Variants in FLT3 observed in about 807,000 individuals in gnomAD.
The protein encoded by FLT3 is receptor-type tyrosine-protein kinase FLT3.
FLT3 carries 46 observed loss-of-function variants against 126.6 expected under a neutral mutation model. That is an observed-to-expected ratio of 0.36 (90% CI 0.29 to 0.46). The LOEUF (loss-of-function observed/expected upper bound fraction) is 0.46, where lower values mean the gene tolerates loss of function less well. Ranked by LOEUF, FLT3 falls within the 20% of genes least tolerant of loss-of-function variation. FLT3 has a pLI of 1.00. For missense variants in FLT3, 1,069 were observed against 1,190.3 expected (o/e 0.90, Z 1.50); for synonymous variants, 404 against 434.4 (o/e 0.93, Z 0.87).
chr13:28,075,432 A>T (rs562389612), intron 1 of FLT3, among the ~76,000 whole-genome samples: 1 of 152,216 alleles, frequency 6.6e-6, no homozygotes, highest in Non-Finnish European at 1.5e-5. Context: ...TAAAAAATAG[A>T]TGCATCACAA....
At chr13:28,062,813 G>A (rs1471092679) in intron 2 of FLT3, among the ~76,000 whole-genome samples, 1 of 148,300 alleles carries the variant, frequency 6.7e-6, no homozygotes, top group Admixed American at 6.8e-5. Context: ...TGAACAGAAA[G>A]ACAGCCATCT....
intron 23 of FLT3, among the ~76,000 whole-genome samples, chr13:28,009,099 C>T (rs1314808849): frequency 1.3e-5 from 2 of 152,100 alleles, no homozygotes; most frequent in African/African-American, 4.8e-5. Context: ...AGCTCAGCCT[C>T]CTGAGTAGCT....
chr13:28,034,224 T>C lies in FLT3; in HGVS notation c.1705-10A>G, dbSNP rs771374320. On this transcript the variant is annotated splice_polypyrimidine_tract_variant and intron_variant, in intron 13 of 23. Coordinates refer to ENST00000241453, the MANE Select transcript of FLT3 (RefSeq NM_004119.3). ...TTTCATACCTAAATTGCTTCAGAGA[T>C]GAAATGATGAGTCAGTTAGGAATAG... is the stretch of plus-strand genomic sequence containing the variant. The C allele has an allele frequency of 2.3e-5, 37 of 1,613,854 alleles. No homozygotes were observed. Among genetic ancestry groups the C allele is most frequent in the Middle Eastern group, 1.6e-4 (1 of 6,084 alleles).
intron 4 of FLT3, 83 bp downstream of exon 4, chr13:28,057,264 T>C: frequency 1.3e-6 from 1 of 747,870 alleles, no homozygotes; most frequent in South Asian, 1.4e-5. Flanking sequence ...CTAGAGGAGC[T>C]GGTCAAGCTA....
intron 1 of FLT3, among the ~76,000 whole-genome samples, chr13:28,078,690 T>C (rs1287628179): frequency 2.7e-5 from 4 of 150,226 alleles, no homozygotes; most frequent in African/African-American, 9.8e-5. Flanking sequence ...CTAGAATTTC[T>C]CCCCAGAAAA....
In FLT3 at chr13:28,062,176, G is replaced by C. The variant is rs555011317; in HGVS notation, c.166-107C>G. On this transcript the variant is annotated intron_variant, in intron 2 of 23. Transcript: ENST00000241453. ...ACATATGCATGCTGACACACTGCACGCAACACCCACACAAGCTGGAACCCA... is the reference window on the plus strand; with the variant it reads ...ACATATGCATGCTGACACACTGCACCCAACACCCACACAAGCTGGAACCCA... 824 of 750,244 alleles carry C rather than the reference G, an allele frequency of 1.1e-3. 2 individuals carry two copies. The highest frequency in any genetic ancestry group is 3.1e-3 in the Middle Eastern group (8 of 2,558). 46.5% of individuals were successfully genotyped at this position (750,244 alleles called of 1,614,324 possible).
At chr13:28,065,761 G>C (rs1026110808) in intron 2 of FLT3, among the ~76,000 whole-genome samples, 5 of 151,098 alleles carry the variant, frequency 3.3e-5, no homozygotes, top group African/African-American at 1.2e-4. Context: ...CTAGGAGGTT[G>C]AGGCTGAAGT....
chr13:28,097,847 A>C (rs1879564251), intron 1 of FLT3, among the ~76,000 whole-genome samples: 1 of 152,226 alleles, frequency 6.6e-6, no homozygotes, highest in Non-Finnish European at 1.5e-5. Flanking sequence ...CAAGGCTTTG[A>C]ATACGAATTT....
Position 28,023,430 on chromosome 13 carries a change from A to C in FLT3, c.2338T>G (p.Leu780Val). The change falls in exon 19 of 24, where the codon TTG becomes GTG. Residue 780 changes from leucine (L) to valine (V), a missense_variant. Coordinates refer to ENST00000241453, the MANE Select transcript of FLT3 (RefSeq NM_004119.3). The part of the protein sequence containing the change: ...NQKRLEEEED[L>V]NVLTFEDLLC... The stretch of plus-strand genomic sequence containing the variant: ...AGATCTTCAAATGTAAGCACATTCA[A>C]GTCCTCCTCTTCTTCCAGCCTTTTT... 1 of 1,613,876 alleles carries C rather than the reference A, an allele frequency of 6.2e-7. No homozygotes were observed. Among genetic ancestry groups the C allele is most frequent in the Non-Finnish European group, 8.5e-7 (1 of 1,179,742 alleles).
chr13:28,010,453 G>C (rs1174761633), intron 23 of FLT3, among the ~76,000 whole-genome samples: 1 of 152,160 alleles, frequency 6.6e-6, no homozygotes, highest in African/African-American at 2.4e-5. Flanking sequence ...AGGGAAATTG[G>C]GGGAGGCTTT....
rs779125398 is a variant in FLT3 at position 28,027,075 on chromosome 13, C to T, written c.2207+13G>A. The T allele has an allele frequency of 6.8e-6, 11 of 1,611,180 alleles. No homozygotes were observed. The highest frequency in any genetic ancestry group is 8.5e-6 in the Non-Finnish European group (10 of 1,178,384). ...ATGATGTGTAATTACGAAACCCTGA[C>T]CCAGCCTCTTACCTGGAATTTGGAT... On this transcript the variant is annotated intron_variant, in intron 17 of 23. Transcript: ENST00000241453.
rs1870647917 is a variant in FLT3 at position 28,003,882 on chromosome 13, A to G, written c.*170T>C. On this transcript the variant is annotated 3_prime_UTR_variant, in exon 24 of 24. Transcript: ENST00000241453. ...TGTGACAGGATGATTTGATTTTACA[A>G]AAGTCCCTTTGAAAACAAGAGTAAA... is the stretch of plus-strand genomic sequence containing the variant. The G allele has an allele frequency of 1.4e-6, 1 of 708,694 alleles. No homozygotes were observed. Among genetic ancestry groups the G allele is most frequent in the South Asian group, 1.9e-5 (1 of 51,600 alleles). The allele number at this position is 708,694 out of a possible 1,614,324, so 43.9% of individuals were successfully genotyped here.
intron 1 of FLT3, among the ~76,000 whole-genome samples, chr13:28,089,880 G>A (rs539854488): frequency 2.0e-5 from 3 of 151,428 alleles, no homozygotes; most frequent in African/African-American, 7.3e-5. Flanking sequence ...GATTAAAGGC[G>A]CCTGCCACCA....
chr13:28,007,843 A>G (rs1013935800), intron 23 of FLT3, among the ~76,000 whole-genome samples: 5 of 152,298 alleles, frequency 3.3e-5, no homozygotes, highest in Admixed American at 3.3e-4. Context: ...ATACTCAAAA[A>G]ATGTTAGCAA....
At chr13:28,089,181 C>A (rs918751216) in intron 1 of FLT3, among the ~76,000 whole-genome samples, 12 of 152,086 alleles carry the variant, frequency 7.9e-5, no homozygotes, top group Admixed American at 6.6e-4. Flanking sequence ...GTTAAAAACC[C>A]AAACCAAAAA....
At position 28,009,357 on chromosome 13, in the gene FLT3, T is replaced by C. The variant is rs80214824; in HGVS notation, c.2859+5095A>G. ...GTGGCTGCTCCTGCTTCAGAACTTC[T>C]GCAGTGTCCCAGGACTTCTTGCTGC... On this transcript the variant is annotated intron_variant, in intron 23 of 23. Transcript: ENST00000241453. The C allele has an allele frequency of 3.3e-5, 5 of 152,298 alleles. No homozygotes were observed. In the East Asian group the frequency reaches 9.6e-4, roughly 29 times the overall value. The allele number at this position is 152,298 out of a possible 1,614,324, so 9.4% of individuals were successfully genotyped here. A position where few individuals can be genotyped will look rare whatever the true frequency, so the allele number is the denominator to read the frequency against.
chr13:28,033,603 A>C (rs1873553131), intron 15 of FLT3, among the ~76,000 whole-genome samples: 1 of 152,196 alleles, frequency 6.6e-6, no homozygotes, highest in African/African-American at 2.4e-5. Flanking sequence ...CCATGATCAC[A>C]CTACTGTACT....
intron 22 of FLT3, among the ~76,000 whole-genome samples, chr13:28,014,954 G>A (rs1049118200): frequency 8.5e-5 from 13 of 152,180 alleles, no homozygotes; most frequent in African/African-American, 2.9e-4. Flanking sequence ...CCAGCACTTT[G>A]AGAGGCTGAG....
chr13:28,091,411 C>T (rs528019375), intron 1 of FLT3, among the ~76,000 whole-genome samples: 23 of 149,012 alleles, frequency 1.5e-4, no homozygotes, highest in Middle Eastern at 3.4e-3. Flanking sequence ...TTAGTAGAGA[C>T]GGGGTTTCAC....
Sources: allele counts gnomAD v4.1 joint callset (sites outside exome capture counted in the v4.1 genomes callset), GRCh38; gene constraint gnomAD v4.1.1; transcripts MANE v1.5; gene names NCBI Gene and HGNC (gene_info 2026-07-23, HGNC 2026-07-21).